UBE2D2: variants seen among roughly 807,000 people sequenced by gnomAD.
The protein encoded by UBE2D2 is ubiquitin conjugating enzyme E2 D2.
UBE2D2 carries 2 observed loss-of-function variants against 24.2 expected under a neutral mutation model. That is an observed-to-expected ratio of 0.08 (90% CI 0.03 to 0.26). The LOEUF (loss-of-function observed/expected upper bound fraction) is 0.26. UBE2D2 is among the 10% of genes least tolerant of loss of function. UBE2D2 has a pLI of 1.00. For missense variants in UBE2D2, 44 were observed against 177.6 expected (o/e 0.25, Z 4.28); for synonymous variants, 58 against 56.5 (o/e 1.03, Z -0.12).
chr5:139,547,718 G>A (rs986862474), intron 1 of UBE2D2, among the ~76,000 whole-genome samples: 11 of 150,606 alleles, frequency 7.3e-5, no homozygotes, highest in African/African-American at 1.7e-4. Context: ...TTTTTGAGAC[G>A]GAGTCTCGCT....
chr5:139,578,442 G>T (rs1753528653), intron 1 of UBE2D2, among the ~76,000 whole-genome samples: 1 of 151,350 alleles, frequency 6.6e-6, no homozygotes, highest in African/African-American at 2.4e-5. Flanking sequence ...TTTTGTGTGT[G>T]TGTGTGTGTG....
intron 1 of UBE2D2, among the ~76,000 whole-genome samples, chr5:139,582,639 T>C (rs1753628506): frequency 6.6e-6 from 1 of 151,888 alleles, no homozygotes; most frequent in East Asian, 1.9e-4. Context: ...AGAAAAACTT[T>C]CAGATTTCGA....
At chr5:139,588,779 T>C (rs1753785031) in intron 1 of UBE2D2, among the ~76,000 whole-genome samples, 1 of 152,100 alleles carries the variant, frequency 6.6e-6, no homozygotes, top group South Asian at 2.1e-4. Flanking sequence ...TGTAACTTCT[T>C]TTGTTTTTTG....
intron 5 of UBE2D2, among the ~76,000 whole-genome samples, chr5:139,617,183 C>CAAAA (rs57391737): frequency 9.5e-6 from 1 of 105,428 alleles, no homozygotes; most frequent in South Asian, 2.9e-4. Flanking sequence ...ACTTTGTCTC[C>CAAAA]AAAAAAAAAA....
intron 1 of UBE2D2, among the ~76,000 whole-genome samples, chr5:139,537,703 G>T (rs1264438027): frequency 6.6e-6 from 1 of 151,690 alleles, no homozygotes; most frequent in East Asian, 2.0e-4. Context: ...GGTAGCTCAC[G>T]CCTGTAATCC....
intron 1 of UBE2D2, among the ~76,000 whole-genome samples, chr5:139,526,901 CATG>C (rs1302216650): frequency 2.0e-5 from 3 of 152,212 alleles, no homozygotes; most frequent in Middle Eastern, 3.4e-3. Context: ...TTTTGAATTT[CATG>C]ATTTTGGTTT....
At chr5:139,585,935 C>CAAAAAAAAAAAAAAAAAAA in intron 1 of UBE2D2, among the ~76,000 whole-genome samples, 1 of 25,562 alleles carries the variant, frequency 3.9e-5, no homozygotes, top group Non-Finnish European at 1.1e-4. Flanking sequence ...GACTCTGTCT[C>CAAAAAAAAAAAAAAAAAAA]AAAAAAAAAA....
chr5:139,575,073 A>G (rs926965540), intron 1 of UBE2D2, among the ~76,000 whole-genome samples: 1 of 152,228 alleles, frequency 6.6e-6, no homozygotes, highest in Non-Finnish European at 1.5e-5. Context: ...ATAAAAAGGA[A>G]CAAATAGTGA....
chr5:139,580,353 C>T lies in UBE2D2; in HGVS notation c.24+18538C>T, dbSNP rs75243148. On this transcript the variant is annotated intron_variant, in intron 1 of 6. Transcript: ENST00000398733. ...GTGCTGAGATTACAGTCGTGAGTCA[C>T]CCTGCCTGGCCAATCCTATCATTTT... 7.9e-3 allele frequency among the ~76,000 whole-genome samples: 1,195 copies of T among 152,220 alleles called. 8 individuals carry two copies. Among genetic ancestry groups the T allele is most frequent in the Middle Eastern group, 0.041 (12 of 294 alleles).
intron 5 of UBE2D2, among the ~76,000 whole-genome samples, chr5:139,621,735 A>T (rs1754517585): frequency 6.6e-6 from 1 of 151,648 alleles, no homozygotes. Context: ...TGATCCTCCC[A>T]CCTCAGCCTC....
At chr5:139,596,730 G>A (rs1260208605) in intron 1 of UBE2D2, among the ~76,000 whole-genome samples, 1 of 151,850 alleles carries the variant, frequency 6.6e-6, no homozygotes, top group African/African-American at 2.4e-5. Flanking sequence ...GTGAGACCTT[G>A]TCTCTGCATT....
chr5:139,547,919 T>C (rs907966846), intron 1 of UBE2D2, among the ~76,000 whole-genome samples: 7 of 151,872 alleles, frequency 4.6e-5, no homozygotes, highest in African/African-American at 1.7e-4. Flanking sequence ...GGTCTCGAAC[T>C]CCCCACCTCA....
intron 1 of UBE2D2, among the ~76,000 whole-genome samples, chr5:139,587,301 C>T (rs1402825034): frequency 6.6e-6 from 1 of 152,178 alleles, no homozygotes; most frequent in African/African-American, 2.4e-5. Context: ...CACCCTGCTC[C>T]ATCCGGAGGG....
chr5:139,584,198 G>C (rs755864148), intron 1 of UBE2D2, among the ~76,000 whole-genome samples: 1 of 151,872 alleles, frequency 6.6e-6, no homozygotes, highest in Non-Finnish European at 1.5e-5. Flanking sequence ...TACCTTTTCT[G>C]TTTAGATATA....
At chr5:139,593,389 G>A (rs1753887835) in intron 1 of UBE2D2, among the ~76,000 whole-genome samples, 1 of 152,004 alleles carries the variant, frequency 6.6e-6, no homozygotes, top group East Asian at 1.9e-4. Flanking sequence ...TTACCCTTGG[G>A]TTAGATACTT....
intron 1 of UBE2D2, among the ~76,000 whole-genome samples, chr5:139,581,112 A>G (rs754962141): frequency 1.3e-5 from 2 of 152,148 alleles, no homozygotes; most frequent in Non-Finnish European, 2.9e-5. Flanking sequence ...TTCTAGGCAG[A>G]GTGTTCCTAT....
chr5:139,533,463 C>A (rs1367052404), intron 1 of UBE2D2, among the ~76,000 whole-genome samples: 1 of 151,910 alleles, frequency 6.6e-6, no homozygotes, highest in African/African-American at 2.4e-5. Flanking sequence ...ACCAGCCTGG[C>A]CAACATGGCA....
At chr5:139,557,968 C>A (rs146184773), upstream of UBE2D2, among the ~76,000 whole-genome samples, 2 of 152,072 alleles carry the variant, frequency 1.3e-5, no homozygotes, top group African/African-American at 4.8e-5. Context: ...GGCATGGTGG[C>A]TCCAGCTTAT....
intron 1 of UBE2D2, among the ~76,000 whole-genome samples, chr5:139,570,865 C>G (rs1753339962): frequency 6.6e-6 from 1 of 152,030 alleles, no homozygotes; most frequent in Non-Finnish European, 1.5e-5. Flanking sequence ...CTGCATATAT[C>G]TTTCATCAGA....
Sources: allele counts gnomAD v4.1 joint callset (sites outside exome capture counted in the v4.1 genomes callset), GRCh38; gene constraint gnomAD v4.1.1; transcripts MANE v1.5; gene names NCBI Gene and HGNC (gene_info 2026-07-23, HGNC 2026-07-21).